Variants in SRSF4 observed in about 807,000 individuals in gnomAD.
SRSF4 encodes the protein serine and arginine rich splicing factor 4.
SRSF4 carries 12 observed loss-of-function variants against 48.8 expected under a neutral mutation model. The observed-to-expected ratio is 0.25, with a 90% CI of 0.16 to 0.40. The LOEUF is 0.40. Ranked by LOEUF, SRSF4 falls within the 10% of genes least tolerant of loss-of-function variation. SRSF4 has a pLI of 1.00. For missense variants in SRSF4, 466 were observed against 667.1 expected (o/e 0.70, Z 3.32); for synonymous variants, 248 against 232.5 (o/e 1.07, Z -0.61).
intron 3 of SRSF4, among the ~76,000 whole-genome samples, chr1:29,157,526 C>T (rs1190564958): frequency 5.3e-5 from 8 of 152,028 alleles, no homozygotes; most frequent in African/African-American, 7.2e-5. Context: ...AGGTCTGCTA[C>T]GGTGCTGACG....
intron 3 of SRSF4, among the ~76,000 whole-genome samples, chr1:29,157,971 G>A (rs1672526994): frequency 1.3e-5 from 2 of 152,108 alleles, no homozygotes; most frequent in African/African-American, 4.8e-5. Flanking sequence ...GGAGGAGCTC[G>A]AGACCAGCCT....
intron 1 of SRSF4, among the ~76,000 whole-genome samples, chr1:29,163,480 T>C (rs1672628234): frequency 6.6e-6 from 1 of 152,230 alleles, no homozygotes; most frequent in African/African-American, 2.4e-5. Flanking sequence ...TACGGACTCT[T>C]GTTCTGAGAA....
chr1:29,177,716 G>T (rs1324286760), intron 1 of SRSF4, among the ~76,000 whole-genome samples: 3 of 152,022 alleles, frequency 2.0e-5, no homozygotes, highest in Non-Finnish European at 4.4e-5. Context: ...AAGTTCTCTA[G>T]AACAGTGGCA....
chr1:29,163,389 T>C (rs1284642931), intron 1 of SRSF4, among the ~76,000 whole-genome samples: 1 of 152,250 alleles, frequency 6.6e-6, no homozygotes, highest in African/African-American at 2.4e-5. Context: ...CATCTGATTG[T>C]CACTTCTCTC....
chr1:29,159,567 T>A, intron 2 of SRSF4, 81 bp from the exon 3 acceptor site: 2 of 806,468 alleles, frequency 2.5e-6, no homozygotes, highest in Non-Finnish European at 3.9e-6. Flanking sequence ...CCCCCTTAAA[T>A]ATATTATTTA....
At chr1:29,167,256 C>T (rs1672681462) in intron 1 of SRSF4, among the ~76,000 whole-genome samples, 1 of 152,254 alleles carries the variant, frequency 6.6e-6, no homozygotes, top group Non-Finnish European at 1.5e-5. Flanking sequence ...CTTGACTACA[C>T]AAGTTGAATT....
At chr1:29,173,068 CT>C (rs937783387) in intron 1 of SRSF4, 1 of 149,838 alleles carries the variant, frequency 6.7e-6, no homozygotes, top group African/African-American at 2.5e-5. Flanking sequence ...TCACTTTATG[CT>C]TTCATAATAT....
At chr1:29,152,684 C>T (rs186481344) in intron 4 of SRSF4, among the ~76,000 whole-genome samples, 10 of 152,106 alleles carry the variant, frequency 6.6e-5, no homozygotes, top group Admixed American at 1.3e-4. Flanking sequence ...TTTGGAAGGC[C>T]GAGGTGGGTG....
intron 1 of SRSF4, chr1:29,168,796 G>A (rs1176655850): frequency 2.6e-5 from 4 of 152,194 alleles, no homozygotes; most frequent in Admixed American, 6.5e-5. Context: ...GGATGTGAAT[G>A]AATATTGGCA....
chr1:29,157,680 A>G (rs1672521325), intron 3 of SRSF4, among the ~76,000 whole-genome samples: 1 of 152,218 alleles, frequency 6.6e-6, no homozygotes, highest in Non-Finnish European at 1.5e-5. Context: ...ATACAAATGT[A>G]AAGGATTCCT....
intron 3 of SRSF4, among the ~76,000 whole-genome samples, chr1:29,158,975 C>T (rs12756969): frequency 0.025 from 3,779 of 152,216 alleles, 70 homozygotes; most frequent in Middle Eastern, 0.088. Flanking sequence ...GGCATGGTGG[C>T]GGGTGCCTGT....
Position 29,154,725 on chromosome 1 carries a change from C to G in SRSF4, c.549G>C (p.Arg183=), listed in dbSNP as rs989012650. ...VEDKPGSRRR[R]SYSRSRSHSR... ...AATGACTCCGGCTTCTGGAGTAGGACCGGCGTCGTCTGGAACCTGGCTTGT... is the reference window on the plus strand; with the variant it reads ...AATGACTCCGGCTTCTGGAGTAGGAGCGGCGTCGTCTGGAACCTGGCTTGT... The change falls in exon 4 of 6, where the codon CGG becomes CGC. Residue 183 remains arginine, a synonymous_variant. Transcript: ENST00000373795. The G allele has an allele frequency of 1.2e-6, 2 of 1,614,184 alleles. No homozygotes were observed. Among genetic ancestry groups the G allele is most frequent in the South Asian group, 2.2e-5 (2 of 91,090 alleles).
intron 3 of SRSF4, among the ~76,000 whole-genome samples, chr1:29,155,971 T>C (rs1672493457): frequency 6.6e-6 from 1 of 152,002 alleles, no homozygotes; most frequent in Non-Finnish European, 1.5e-5. Flanking sequence ...GATTAGGAGG[T>C]TGCAGTGAGC....
chr1:29,161,713 C>T (rs1249313990), intron 1 of SRSF4, among the ~76,000 whole-genome samples: 2 of 152,256 alleles, frequency 1.3e-5, no homozygotes. Flanking sequence ...ATTCTCCTGC[C>T]TCAGCCTCCC....
chr1:29,164,378 G>A (rs372323855), intron 1 of SRSF4, among the ~76,000 whole-genome samples: 1 of 152,178 alleles, frequency 6.6e-6, no homozygotes, highest in Non-Finnish European at 1.5e-5. Context: ...TTAAAGCCAA[G>A]CTTAACACTC....
rs527898768 is a variant in SRSF4, at chr1:29,162,075, A to C, written c.108-1558T>G. ...AGGGTTTTTTATGTTGAAATGTCTG[A>C]GTGGCACTGAATGTCAACTCCATTA... On this transcript the variant is annotated intron_variant, in intron 1 of 5. Coordinates refer to ENST00000373795, the MANE Select transcript of SRSF4 (RefSeq NM_005626.5). Among the ~76,000 whole-genome samples, 3 of 152,312 alleles carry C rather than the reference A, an allele frequency of 2.0e-5. No individual in the cohort carries two copies. The South Asian group carries it at 6.2e-4, about 32-fold the overall frequency.
chr1:29,155,654 G>A (rs918602091), intron 3 of SRSF4, among the ~76,000 whole-genome samples: 1 of 151,990 alleles, frequency 6.6e-6, no homozygotes, highest in Non-Finnish European at 1.5e-5. Flanking sequence ...ACCATACCCA[G>A]CTGATTTTTT....
chr1:29,177,584 T>TG (rs1395154489), intron 1 of SRSF4, among the ~76,000 whole-genome samples: 2 of 151,744 alleles, frequency 1.3e-5, no homozygotes, highest in Admixed American at 1.3e-4. Context: ...GCCAGGCCCT[T>TG]GCAGTGACTC....
chr1:29,157,165 A>G (rs1180062905), intron 3 of SRSF4, among the ~76,000 whole-genome samples: 2 of 152,104 alleles, frequency 1.3e-5, no homozygotes, highest in East Asian at 1.9e-4. Flanking sequence ...ATAAGAGAGC[A>G]AGTCTTGCTG....
Sources: gnomAD v4.1 joint callset for allele counts (sites outside exome capture counted in the v4.1 genomes callset) on GRCh38, gnomAD v4.1.1 for gene constraint, MANE v1.5 for transcripts, NCBI Gene and HGNC (gene_info 2026-07-23, HGNC 2026-07-21) for gene names.